UBA5: variants seen among roughly 807,000 people sequenced by gnomAD.
UBA5 encodes ubiquitin-like modifier-activating enzyme 5.
Under a neutral mutation model 52.9 loss-of-function variants are expected in UBA5, and 28 were observed. The observed-to-expected ratio is 0.53, with a 90% CI of 0.39 to 0.73. UBA5 has a LOEUF of 0.73. Ranked by LOEUF, UBA5 falls within the 30% of genes least tolerant of loss-of-function variation. UBA5 has a pLI of 0.00. For missense variants in UBA5, 388 were observed against 492.7 expected (o/e 0.79, Z 2.01); for synonymous variants, 135 against 162.1 (o/e 0.83, Z 1.27).
chr3:132,669,047 G>T (rs1363635275), intron 4 of UBA5, 120 bp downstream of exon 4: 10 of 659,702 alleles, frequency 1.5e-5, no homozygotes, highest in Middle Eastern at 4.0e-4. Context: ...CTTGTACAAA[G>T]AATTCTCTTA....
At position 132,660,628 on chromosome 3, in the gene UBA5, G is replaced by A. The variant is rs2107922258; in HGVS notation, c.91G>A (p.Gly31Ser). ...QERSLQVPRS[G>S]DGGGGRVRIE... ...GAGGAGTCTGCAGGTCCCGAGGAGCGGCGACGGAGGGGGCGGCCGGGTCCG... is the reference window on the plus strand; with the variant it reads ...GAGGAGTCTGCAGGTCCCGAGGAGCAGCGACGGAGGGGGCGGCCGGGTCCG... Residue 31 changes from glycine (G) to serine (S), a missense_variant, in exon 1 of 12, where the codon GGC becomes AGC. Gly to Ser is a moderately conservative substitution (Grantham distance 56). Transcript: ENST00000356232. This position sits in a 1 kb window ranked among gnomAD's most constrained non-coding sequence, Gnocchi z 4.1. 1.3e-6 allele frequency: 2 copies of A among 1,565,734 alleles called. No homozygotes were observed. The highest frequency in any genetic ancestry group is 2.4e-5 in the East Asian group (1 of 42,040).
chr3:132,673,541 T>C (rs1938696184), intron 8 of UBA5, among the ~76,000 whole-genome samples: 2 of 152,012 alleles, frequency 1.3e-5, no homozygotes, highest in African/African-American at 4.8e-5. Flanking sequence ...AGAGACAAGG[T>C]TTCACCATGT....
chr3:132,670,900 T>G, intron 5 of UBA5, 65 bp from the exon 6 acceptor site: 1 of 1,139,574 alleles, frequency 8.8e-7, no homozygotes, highest in Non-Finnish European at 1.3e-6. Context: ...ACTGAACAAG[T>G]AAGTATAATG....
chr3:132,661,191 C>A, intron 1 of UBA5: 1 of 530,980 alleles, frequency 1.9e-6, no homozygotes, highest in Non-Finnish European at 2.9e-6. Context: ...CTGCCCAGGC[C>A]TCTCTTTTCT....
At chr3:132,659,964 A>G (rs111983034), upstream of UBA5, 177 of 512,226 alleles carry the variant, frequency 3.5e-4, 1 homozygote, top group African/African-American at 2.2e-3. Flanking sequence ...AAAGAGCCCA[A>G]TGTGTGTTCG....
chr3:132,660,863 C>G lies in UBA5; in HGVS notation c.161+165C>G, dbSNP rs1302041626. On this transcript the variant is annotated intron_variant, in intron 1 of 11. Coordinates refer to ENST00000356232, the MANE Select transcript of UBA5 (RefSeq NM_024818.6). The surrounding 1 kb of genome is among the most constrained non-coding windows in gnomAD (Gnocchi z 4.1). ...GGCAAGGCCACATCTTAGTACTGAT[C>G]GGAAGATATTCTTTCTCTTTTTTAA... 2.8e-6 allele frequency: 4 copies of G among 1,447,014 alleles called. No homozygotes were observed. The highest frequency in any genetic ancestry group is 3.6e-6 in the Non-Finnish European group (4 of 1,101,418). The allele number at this position is 1,447,014 out of a possible 1,614,324, so 89.6% of individuals were successfully genotyped here. A position where few individuals can be genotyped will look rare whatever the true frequency, so the allele number is the denominator to read the frequency against.
chr3:132,661,693 A>G (rs183828030), intron 1 of UBA5, among the ~76,000 whole-genome samples: 27 of 152,350 alleles, frequency 1.8e-4, no homozygotes, highest in Admixed American at 1.7e-3. Context: ...TCTTAATGTA[A>G]AATTCTCATG....
At chr3:132,670,936 T>A in intron 5 of UBA5, 29 bp from the exon 6 acceptor site, 1 of 1,556,704 alleles carries the variant, frequency 6.4e-7, no homozygotes, top group Non-Finnish European at 8.9e-7. Context: ...TGTGTCCTGA[T>A]GTTTTTCAAA....
intron 7 of UBA5, 23 bp from the exon 8 acceptor site, chr3:132,672,027 A>T: frequency 6.2e-7 from 1 of 1,605,108 alleles, no homozygotes. Context: ...TTTTTTTTGA[A>T]ATGTGTTTTA....
intron 1 of UBA5, among the ~76,000 whole-genome samples, chr3:132,662,302 A>C (rs113315720): frequency 6.6e-6 from 1 of 152,200 alleles, no homozygotes; most frequent in Non-Finnish European, 1.5e-5. Context: ...TCATACAGCA[A>C]ATATTTACTG....
chr3:132,660,997 G>A lies in UBA5; in HGVS notation c.161+299G>A. ...AATTAGTCCGCCTCGCTGTGTATAA[G>A]ACTGATAGTAAGAACTTTCAGAAGA... On this transcript the variant is annotated intron_variant, in intron 1 of 11. Coordinates refer to ENST00000356232, the MANE Select transcript of UBA5 (RefSeq NM_024818.6). The surrounding 1 kb of genome is among the most constrained non-coding windows in gnomAD (Gnocchi z 4.1). 1 of 1,447,348 alleles carries A rather than the reference G, an allele frequency of 6.9e-7. No individual in the cohort carries two copies. Among genetic ancestry groups the A allele is most frequent in the Non-Finnish European group, 9.2e-7 (1 of 1,091,314 alleles). 89.7% of individuals were successfully genotyped at this position (1,447,348 alleles called of 1,614,324 possible).
intron 4 of UBA5, 47 bp from the exon 5 acceptor site, chr3:132,670,151 A>T: frequency 1.0e-6 from 1 of 958,694 alleles, no homozygotes; most frequent in Non-Finnish European, 1.6e-6. Context: ...CAGCCTCTTG[A>T]AATGCTAGGA....
At chr3:132,668,626 A>G (rs1324663869) in intron 3 of UBA5, 192 bp from the exon 4 acceptor site, 2 of 378,060 alleles carry the variant, frequency 5.3e-6, no homozygotes, top group South Asian at 5.4e-5. Context: ...CATTTTAAAA[A>G]TAAGGATAAT....
chr3:132,655,186 C>T (rs1937717096), intron 1 of UBA5, among the ~76,000 whole-genome samples: 2 of 152,218 alleles, frequency 1.3e-5, no homozygotes, highest in Non-Finnish European at 2.9e-5. Flanking sequence ...CCATTCTACA[C>T]TCCCACTCTG....
At chr3:132,669,978 C>T (rs918805374) in intron 4 of UBA5, among the ~76,000 whole-genome samples, 2 of 152,158 alleles carry the variant, frequency 1.3e-5, no homozygotes, top group African/African-American at 2.4e-5. Flanking sequence ...TCTTTCATCT[C>T]TTTTCCTCAC....
chr3:132,675,509 C>T, intron 9 of UBA5, 96 bp from the exon 10 acceptor site: 1 of 1,512,924 alleles, frequency 6.6e-7, no homozygotes. Flanking sequence ...TTCTTTCTTG[C>T]TTTTGGTAAG....
chr3:132,659,671 G>A (rs375770485), upstream of UBA5: 49 of 1,611,370 alleles, frequency 3.0e-5, no homozygotes, highest in Non-Finnish European at 3.8e-5. Context: ...GGTTTAGGTA[G>A]GCCTCCAGGG....
chr3:132,659,847 G>C, upstream of UBA5: 1 of 1,434,178 alleles, frequency 7.0e-7, no homozygotes, highest in South Asian at 1.5e-5. Context: ...AGCATGGGCC[G>C]AGGCCGGGGT....
At chr3:132,664,115 G>A (rs969785314) in intron 1 of UBA5, among the ~76,000 whole-genome samples, 1 of 152,142 alleles carries the variant, frequency 6.6e-6, no homozygotes, top group Non-Finnish European at 1.5e-5. Flanking sequence ...GAAGTAACCA[G>A]ATTCTTCAAG....
Sources: gnomAD v4.1 joint callset for allele counts (sites outside exome capture counted in the v4.1 genomes callset) on GRCh38, gnomAD v4.1.1 for gene constraint, Gnocchi (gnomAD v3.1) non-coding constraint, MANE v1.5 for transcripts, NCBI Gene and HGNC (gene_info 2026-07-23, HGNC 2026-07-21) for gene names.